The following LCOR variants were observed in gnomAD, a reference collection of about 807,000 sequenced individuals.
LCOR encodes the protein ligand dependent nuclear receptor corepressor, also known as ligand-dependent corepressor.
LCOR carries 14 observed loss-of-function variants against 64.4 expected under a neutral mutation model. The observed-to-expected ratio is 0.22, with a 90% CI of 0.14 to 0.34. The LOEUF (loss-of-function observed/expected upper bound fraction) is 0.34, where lower values mean the gene tolerates loss of function less well. Among genes scored for constraint, LCOR ranks in the 10% least tolerant of loss-of-function variants. The pLI is 1.00. For synonymous variants in LCOR, 643 were observed against 642.5 expected, an observed-to-expected ratio of 1.00 and a Z score of -0.01; for missense variants, 1,686 against 1,765.3, an observed-to-expected ratio of 0.96 and a Z score of 0.80.
rs1848200973 is a variant in LCOR, at chr10:96,991,543, C to A, written c.*6409C>A. The A allele has an allele frequency of 6.6e-6, 1 of 152,186 alleles. No homozygotes were observed. Among genetic ancestry groups the A allele is most frequent in the Admixed American group, 6.5e-5 (1 of 15,282 alleles). 9.4% of individuals were successfully genotyped at this position (152,186 alleles called of 1,614,324 possible). A position where few individuals can be genotyped will look rare whatever the true frequency, so the allele number is the denominator to read the frequency against. Reference sequence around the variant, plus strand: ...GAAAGTATGCGATGTGTTGGTTTTACCCCTAGAACCCTTCATTTCTCTTTT... The same window carrying A: ...GAAAGTATGCGATGTGTTGGTTTTAACCCTAGAACCCTTCATTTCTCTTTT... On this transcript the variant is annotated 3_prime_UTR_variant, in exon 8 of 8. Transcript: ENST00000421806.
At chr10:96,869,451 G>A (rs562164064) in intron 2 of LCOR, among the ~76,000 whole-genome samples, 2 of 152,110 alleles carry the variant, frequency 1.3e-5, no homozygotes, top group African/African-American at 2.4e-5. Context: ...CTGGCCTCAA[G>A]TAATCTGCCT....
chr10:96,931,203 TG>T (rs1162145466), intron 4 of LCOR, among the ~76,000 whole-genome samples: 4 of 151,994 alleles, frequency 2.6e-5, no homozygotes, highest in African/African-American at 9.6e-5. Context: ...TTTTGGGTGA[TG>T]GATGGTGACA....
intron 4 of LCOR, 62 bp from the exon 5 acceptor site, chr10:96,944,051 A>G (rs4132965): frequency 0.03 from 29,324 of 969,554 alleles, 1,639 homozygotes; most frequent in East Asian, 0.29. Context: ...GATTTCGTCT[A>G]TGCTTTTGTT....
intron 2 of LCOR, among the ~76,000 whole-genome samples, chr10:96,837,339 C>T (rs1241590638): frequency 6.6e-6 from 1 of 151,768 alleles, no homozygotes; most frequent in African/African-American, 2.4e-5. Flanking sequence ...TCACTGCAAC[C>T]TCCACCTCCC....
rs762639752 is a variant in LCOR, at chr10:96,845,449, C to CTTTTTTTTTTT, written c.-330+11997_-330+12007dup. Among the ~76,000 whole-genome samples the CTTTTTTTTTTT allele has an allele frequency of 5.5e-4, 27 of 48,686 alleles. 7 individuals carry two copies. The highest frequency in any genetic ancestry group is 2.0e-3 in the East Asian group (3 of 1,488). The allele number at this position is 48,686 out of a possible 152,430, so 31.9% of individuals were successfully genotyped here. A position where few individuals can be genotyped will look rare whatever the true frequency, so the allele number is the denominator to read the frequency against. On this transcript the variant is annotated intron_variant, in intron 2 of 7. Transcript: ENST00000421806. ...TTTGCCTCTTATAAATGGGCTTATCCTTTTTTTTTTTTTTTTTTTTTTTTT... is the reference window on the plus strand; with the variant it reads ...TTTGCCTCTTATAAATGGGCTTATCCTTTTTTTTTTTTTTTTTTTTTTTTTTTTTTTTTTTT...
At chr10:96,937,543 G>A (rs756087530) in intron 4 of LCOR, among the ~76,000 whole-genome samples, 5 of 151,954 alleles carry the variant, frequency 3.3e-5, no homozygotes, top group African/African-American at 7.3e-5. Context: ...ATAGAGATGG[G>A]GTCTCATGAT....
At chr10:96,975,462 A>AG (rs954667194) in intron 7 of LCOR, among the ~76,000 whole-genome samples, 1 of 151,882 alleles carries the variant, frequency 6.6e-6, no homozygotes, top group Non-Finnish European at 1.5e-5. Context: ...TATAGTACAG[A>AG]GCTCTTCAGA....
At chr10:96,853,468 C>A (rs1334509644) in intron 2 of LCOR, among the ~76,000 whole-genome samples, 1 of 152,162 alleles carries the variant, frequency 6.6e-6, no homozygotes, top group Non-Finnish European at 1.5e-5. Context: ...AATCACAAAA[C>A]CTTAGTGATG....
At chr10:96,857,081 T>G (rs968025832) in intron 2 of LCOR, among the ~76,000 whole-genome samples, 1 of 145,984 alleles carries the variant, frequency 6.9e-6, no homozygotes, top group Non-Finnish European at 1.5e-5. Context: ...ACTATAGATA[T>G]ATATATGTAT....
At position 96,832,322 on chromosome 10, in the gene LCOR, G is replaced by T; in HGVS notation, c.-481G>T. The T allele has an allele frequency of 3.0e-6, 3 of 984,128 alleles. No homozygotes were observed. Among genetic ancestry groups the T allele is most frequent in the Non-Finnish European group, 3.6e-6 (3 of 829,452 alleles). The allele number at this position is 984,128 out of a possible 1,614,324, so 61.0% of individuals were successfully genotyped here. A position where few individuals can be genotyped will look rare whatever the true frequency, so the allele number is the denominator to read the frequency against. The stretch of plus-strand genomic sequence containing the variant: ...CAGAAGATGGCGAGGGTGTGTAGGC[G>T]GCAGCAATGCTCCGTTGAGAGACGC... On this transcript the variant is annotated 5_prime_UTR_variant, in exon 1 of 8. Transcript: ENST00000421806.
chr10:96,984,659 A>T lies in LCOR; in HGVS notation c.4199A>T (p.Lys1400Met). The T allele has an allele frequency of 1.9e-6, 3 of 1,614,158 alleles. No homozygotes were observed. Among genetic ancestry groups the T allele is most frequent in the Non-Finnish European group, 2.5e-6 (3 of 1,180,040 alleles). The change falls in exon 8 of 8, where the codon AAG (lysine) becomes ATG (methionine). Residue 1400 changes from lysine (K) to methionine (M), a missense_variant. By Grantham distance (95) the Lys-to-Met change is moderately conservative. Coordinates refer to ENST00000421806, the MANE Select transcript of LCOR (RefSeq NM_001346516.2). ...AAAGCAGAAGTTCAGAGTAAACGCAAGAGAACAGAAGGCAGCAGCCCTCCA... is the reference window on the plus strand; with the variant it reads ...AAAGCAGAAGTTCAGAGTAAACGCATGAGAACAGAAGGCAGCAGCCCTCCA... ...LPKAEVQSKR[K>M]RTEGSSPPDS...
At chr10:96,832,849 C>A in intron 1 of LCOR, 1 of 324,496 alleles carries the variant, frequency 3.1e-6, no homozygotes, top group Non-Finnish European at 4.4e-6. Flanking sequence ...GCGCTGTGGC[C>A]GCCGCCGTCC....
At chr10:96,979,463 C>T (rs1848064253) in intron 7 of LCOR, among the ~76,000 whole-genome samples, 1 of 152,236 alleles carries the variant, frequency 6.6e-6, no homozygotes, top group African/African-American at 2.4e-5. Flanking sequence ...AGTCTAGCAT[C>T]ACCCTTTCAC....
Position 96,981,129 on chromosome 10 carries a change from G to A in LCOR, c.669G>A (p.Pro223=), listed in dbSNP as rs945292208. The A allele has an allele frequency of 4.4e-5, 31 of 704,808 alleles. No individual in the cohort carries two copies. The East Asian group carries it at 5.9e-4, about 13-fold the overall frequency. The allele number at this position is 704,808 out of a possible 1,614,324, so 43.7% of individuals were successfully genotyped here. A position where few individuals can be genotyped will look rare whatever the true frequency, so the allele number is the denominator to read the frequency against. ...HSPLHLTEQT[P]KKPPPEINPV... ...CTCTACACTTGACGGAACAGACCCC[G>A]AAGAAGCCTCCTCCTGAGATAAACC... The change falls in exon 8 of 8, where the codon CCG becomes CCA. Residue 223 remains proline (P), a synonymous_variant. Transcript: ENST00000421806.
At chr10:96,955,864 T>C (rs759702231) in intron 7 of LCOR, 1 of 1,614,100 alleles carries the variant, frequency 6.2e-7, no homozygotes, top group East Asian at 2.2e-5. Context: ...TCTGTAAAGA[T>C]TGAATTAGAT....
chr10:96,846,238 C>A (rs1441333785), intron 2 of LCOR, among the ~76,000 whole-genome samples: 1 of 152,022 alleles, frequency 6.6e-6, no homozygotes, highest in Non-Finnish European at 1.5e-5. Flanking sequence ...TTTTGTTGTA[C>A]TGGCTTTAAG....
chr10:96,964,047 G>T (rs1847921443), intron 7 of LCOR: 1 of 151,980 alleles, frequency 6.6e-6, no homozygotes, highest in African/African-American at 2.4e-5. Flanking sequence ...TTTTTGTACT[G>T]TGTGATTTGA....
At chr10:96,852,613 G>T (rs1177060578) in intron 2 of LCOR, among the ~76,000 whole-genome samples, 1 of 152,124 alleles carries the variant, frequency 6.6e-6, no homozygotes, top group Non-Finnish European at 1.5e-5. Flanking sequence ...TTGGATAAGG[G>T]ATACTCAACC....
chr10:96,912,599 T>TCTTCCTTTCTTC (rs142399187), intron 4 of LCOR, among the ~76,000 whole-genome samples: 6,191 of 110,616 alleles, frequency 0.056, 170 homozygotes, highest in East Asian at 0.17. Context: ...GATCTTCCTT[T>TCTTCCTTTCTTC]CTTCCTTTCT....
Sources: gnomAD v4.1 joint callset for allele counts (sites outside exome capture counted in the v4.1 genomes callset) on GRCh38, gnomAD v4.1.1 for gene constraint, MANE v1.5 for transcripts, NCBI Gene and HGNC (gene_info 2026-07-23, HGNC 2026-07-21) for gene names.